Variants in TLN2 observed in about 807,000 individuals in gnomAD.
The protein encoded by TLN2 is talin-2.
A neutral mutation model predicts 294.7 loss-of-function variants in TLN2; 118 were observed. The ratio of observed to expected loss-of-function variants is 0.40; its 90% CI spans 0.34 to 0.47. TLN2 has a LOEUF of 0.47. Ranked by LOEUF, TLN2 falls within the 20% of genes least tolerant of loss-of-function variation. The probability of loss-of-function intolerance (pLI) is 0.84; values close to 1 mark genes in which losing one functional copy is unlikely to be tolerated. For synonymous variants in TLN2, 1,431 were observed against 1,304.5 expected (o/e 1.10, Z -2.09); for missense variants, 3,083 against 3,282.2 (o/e 0.94, Z 1.48).
chr15:62,589,783 A>C (rs1596267889), intron 2 of TLN2, 21 bp downstream of exon 2: 1 of 152,184 alleles, frequency 6.6e-6, no homozygotes, highest in African/African-American at 2.4e-5. Flanking sequence ...TCGCAAAGAT[A>C]CTTTGTTCTT....
At chr15:62,515,069 TGCTTA>T (rs2140459703) in intron 1 of TLN2, among the ~76,000 whole-genome samples, 1 of 152,348 alleles carries the variant, frequency 6.6e-6, no homozygotes, top group Non-Finnish European at 1.5e-5. Flanking sequence ...CAAATGAAGC[TGCTTA>T]GCTAGAGAAG....
At chr15:62,662,734 A>G (rs1255908847) in intron 9 of TLN2, among the ~76,000 whole-genome samples, 2 of 152,158 alleles carry the variant, frequency 1.3e-5, no homozygotes, top group East Asian at 3.8e-4. Flanking sequence ...AAGTAAGTAA[A>G]ATACATAATA....
chr15:62,841,992 G>A lies in TLN2; in HGVS notation c.*1382G>A, dbSNP rs1450593425. 1 of 133,720 alleles carries A rather than the reference G, an allele frequency of 7.5e-6. No individual in the cohort carries two copies. The highest frequency in any genetic ancestry group is 1.6e-5 in the Non-Finnish European group (1 of 62,298). The allele number at this position is 133,720 out of a possible 1,614,324, so 8.3% of individuals were successfully genotyped here. A position where few individuals can be genotyped will look rare whatever the true frequency, so the allele number is the denominator to read the frequency against. ...CTCTCTCTCTCTCTCTCTCTCTGGT[G>A]TGCTATCATGTCTTGGACTCCATCC... is the stretch of plus-strand genomic sequence containing the variant. On this transcript the variant is annotated 3_prime_UTR_variant, in exon 59 of 59. Coordinates refer to ENST00000636159, the MANE Select transcript of TLN2 (RefSeq NM_015059.3).
intron 1 of TLN2, among the ~76,000 whole-genome samples, chr15:62,439,818 A>G (rs913109309): frequency 7.2e-5 from 11 of 152,176 alleles, no homozygotes; most frequent in Middle Eastern, 3.4e-3. Context: ...TGAGCTTACA[A>G]TTTCGAAAGT....
chr15:62,720,544 C>A (rs763079885), intron 25 of TLN2, among the ~76,000 whole-genome samples: 1 of 151,916 alleles, frequency 6.6e-6, no homozygotes, highest in Non-Finnish European at 1.5e-5. Flanking sequence ...AGTGATACAT[C>A]TATTTGGTTC....
intron 53 of TLN2, 44 bp downstream of exon 53, chr15:62,819,665 G>A (rs780311576): frequency 4.5e-6 from 7 of 1,549,644 alleles, no homozygotes; most frequent in South Asian, 1.1e-5. Context: ...ACCCTCCCAG[G>A]CAGTGCTAAT....
rs1204804339 is a variant in TLN2, at chr15:62,736,995, A to G, written c.3476A>G (p.Asp1159Gly). The change falls in exon 29 of 59, where the codon GAC becomes GGC. Residue 1159 changes from aspartate to glycine, a missense_variant. Transcript: ENST00000636159. ...AAHAMLDSAR[D>G]VMEGSAMLIQ... ...CATGCCATGTTAGATTCTGCTCGAG[A>G]CGTGATGGAGGGCTCCGCCATGCTC... is the stretch of plus-strand genomic sequence containing the variant. 1 of 1,614,170 alleles carries G rather than the reference A, an allele frequency of 6.2e-7. No individual in the cohort carries two copies. Among genetic ancestry groups the G allele is most frequent in the Admixed American group, 1.7e-5 (1 of 60,028 alleles).
intron 41 of TLN2, among the ~76,000 whole-genome samples, chr15:62,769,063 C>T (rs1259143145): frequency 6.6e-6 from 1 of 152,236 alleles, no homozygotes; most frequent in Non-Finnish European, 1.5e-5. Flanking sequence ...GGGAGCCGGG[C>T]TCCCATTTAG....
chr15:62,755,773 A>G, intron 37 of TLN2, 80 bp downstream of exon 37: 1 of 1,532,690 alleles, frequency 6.5e-7, no homozygotes, highest in Non-Finnish European at 8.9e-7. Context: ...TTTAAGCTCC[A>G]CTCCTCTCCT....
intron 1 of TLN2, among the ~76,000 whole-genome samples, chr15:62,484,713 C>T (rs1406287098): frequency 1.3e-5 from 2 of 152,178 alleles, no homozygotes; most frequent in Non-Finnish European, 2.9e-5. Context: ...GCGTGAGCCA[C>T]CACGCCTGGC....
At chr15:62,736,850 T>A (rs750335602) in intron 28 of TLN2, 28 bp from the exon 29 acceptor site, 6 of 1,608,624 alleles carry the variant, frequency 3.7e-6, no homozygotes, top group African/African-American at 1.3e-5. Flanking sequence ...GGAGTCTAAT[T>A]GGAAATCTGA....
chr15:62,800,840 G>T, intron 50 of TLN2, 71 bp downstream of exon 50: 1 of 1,324,166 alleles, frequency 7.6e-7, no homozygotes, highest in Non-Finnish European at 1.0e-6. Flanking sequence ...GCTCATTTGA[G>T]GTTTTTTACC....
chr15:62,711,993 A>T lies in TLN2; in HGVS notation c.2550A>T (p.Glu850Asp). Residue 850 changes from glutamate (E) to aspartate (D), a missense_variant, in exon 22 of 59, where the codon GAA becomes GAT. Coordinates refer to ENST00000636159, the MANE Select transcript of TLN2 (RefSeq NM_015059.3). Reference sequence around the variant, plus strand: ...CCATGAGGTCAGATGCAGAAGCCGAAATCGACATGGAGAATTCAAAGAAGC... The same window carrying T: ...CCATGAGGTCAGATGCAGAAGCCGATATCGACATGGAGAATTCAAAGAAGC... ...VNAMRSDAEA[E>D]IDMENSKKLL... 1 of 1,614,230 alleles carries T rather than the reference A, an allele frequency of 6.2e-7. No individual in the cohort carries two copies. The highest frequency in any genetic ancestry group is 8.5e-7 in the Non-Finnish European group (1 of 1,180,026).
At chr15:62,558,192 A>T (rs2042711486) in intron 1 of TLN2, among the ~76,000 whole-genome samples, 1 of 152,050 alleles carries the variant, frequency 6.6e-6, no homozygotes, top group Admixed American at 6.6e-5. Flanking sequence ...GACATTTTGT[A>T]TCTCAACTCA....
At chr15:62,761,903 C>A in intron 38 of TLN2, 82 bp downstream of exon 38, 2 of 1,559,142 alleles carry the variant, frequency 1.3e-6, no homozygotes, top group Non-Finnish European at 1.8e-6. Flanking sequence ...GTTAAAACTC[C>A]AACAGCTCTC....
intron 1 of TLN2, among the ~76,000 whole-genome samples, chr15:62,422,280 C>T (rs1464805366): frequency 1.3e-5 from 2 of 148,476 alleles, no homozygotes; most frequent in African/African-American, 5.0e-5. Flanking sequence ...AAGTGCAGTC[C>T]AGGCATCAAC....
At chr15:62,705,863 T>A (rs72755878) in intron 19 of TLN2, among the ~76,000 whole-genome samples, 337 of 152,294 alleles carry the variant, frequency 2.2e-3, no homozygotes, top group Non-Finnish European at 3.7e-3. Context: ...CCAGGAAACA[T>A]CACAGACCTG....
At position 62,824,129 on chromosome 15, in the gene TLN2, A is replaced by G. The variant is rs371015382; in HGVS notation, c.7002+3519A>G. On this transcript the variant is annotated intron_variant, in intron 54 of 58. Transcript: ENST00000636159. ...AGTAGATTTAGAAGATGGAGCACTC[A>G]TTACAATTCATGTTATCTTCCATTT... is the stretch of plus-strand genomic sequence containing the variant. 9.7e-5 allele frequency: 36 copies of G among 369,922 alleles called. 1 individual carries two copies. Among genetic ancestry groups the G allele is most frequent in the African/African-American group, 7.8e-4 (36 of 45,996 alleles). The allele number at this position is 369,922 out of a possible 1,614,324, so 22.9% of individuals were successfully genotyped here.
intron 1 of TLN2, among the ~76,000 whole-genome samples, chr15:62,438,495 G>A (rs1289533381): frequency 2.0e-5 from 3 of 152,180 alleles, no homozygotes; most frequent in African/African-American, 7.2e-5. Context: ...ACATTAAGGA[G>A]TTGGTGATCT....
Sources: gnomAD v4.1 joint callset for allele counts (sites outside exome capture counted in the v4.1 genomes callset) on GRCh38, gnomAD v4.1.1 for gene constraint, MANE v1.5 for transcripts, NCBI Gene and HGNC (gene_info 2026-07-23, HGNC 2026-07-21) for gene names.